Variants in NIBAN2 observed in about 807,000 individuals in gnomAD.
The protein encoded by NIBAN2 is protein Niban 2.
In NIBAN2, 36 loss-of-function variants were observed where a neutral mutation model predicts 81.8. The observed-to-expected ratio is 0.44, with a 90% CI of 0.34 to 0.58. NIBAN2 has a LOEUF of 0.58. NIBAN2 is among the 20% of genes least tolerant of loss of function. The pLI, the probability that NIBAN2 is intolerant of heterozygous loss-of-function variation, is 0.02. For missense variants in NIBAN2, 897 were observed against 1,014.1 expected, an observed-to-expected ratio of 0.88 and a Z score of 1.57; for synonymous variants, 445 against 441.6, an observed-to-expected ratio of 1.01 and a Z score of -0.10.
At chr9:127,565,894 G>T (rs187481638) in intron 1 of NIBAN2, among the ~76,000 whole-genome samples, 2 of 151,408 alleles carry the variant, frequency 1.3e-5, no homozygotes, top group Non-Finnish European at 2.9e-5. Context: ...GAGCCCAGGA[G>T]TTCAAGACCA....
rs117987929 is a variant in NIBAN2, at chr9:127,566,808, G to A, written c.55+2012C>T. On this transcript the variant is annotated intron_variant, in intron 1 of 13. Coordinates refer to ENST00000373312, the MANE Select transcript of NIBAN2 (RefSeq NM_022833.4). ...GGATCACTGGAGGAGGCAAATACAC[G>A]CCCTCATTCCCTTCCAGCAGAGATT... 9.5e-3 allele frequency among the ~76,000 whole-genome samples: 1,441 copies of A among 152,054 alleles called. 7 individuals carry two copies. Among genetic ancestry groups the A allele is most frequent in the Middle Eastern group, 0.041 (12 of 294 alleles).
intron 4 of NIBAN2, 76 bp from the exon 5 acceptor site, chr9:127,523,922 T>C (rs1837012390): frequency 4.0e-6 from 6 of 1,489,364 alleles, no homozygotes; most frequent in Middle Eastern, 1.9e-4. Context: ...AACTGATCCC[T>C]TGGCATCAGC....
rs1214985487 is a variant in NIBAN2, at chr9:127,536,762, T to C, written c.56-4984A>G. Among the ~76,000 whole-genome samples the C allele has an allele frequency of 1.3e-5, 2 of 152,152 alleles. No individual in the cohort carries two copies. Among genetic ancestry groups the C allele is most frequent in the Non-Finnish European group, 2.9e-5 (2 of 68,014 alleles). The stretch of plus-strand genomic sequence containing the variant: ...ACACAGCCAGATGGAGGCAATTAGG[T>C]TCGAGCCATAGTCGGCTGCATGCCA... On this transcript the variant is annotated intron_variant, in intron 1 of 13. Transcript: ENST00000373312. The surrounding 1 kb of genome is among the most constrained non-coding windows in gnomAD (Gnocchi z 4.0).
chr9:127,568,779 C>A, intron 1 of NIBAN2, 41 bp downstream of exon 1: 2 of 1,262,896 alleles, frequency 1.6e-6, no homozygotes, highest in African/African-American at 1.6e-5. Context: ...CCGGGGGTTC[C>A]GGCAGGCCCC....
Position 127,507,349 on chromosome 9 carries a change from G to A in NIBAN2, c.1737C>T (p.His579=). 1 of 1,545,628 alleles carries A rather than the reference G, an allele frequency of 6.5e-7. No homozygotes were observed. The highest frequency in any genetic ancestry group is 8.7e-7 in the Non-Finnish European group (1 of 1,143,552). The change falls in exon 14 of 14, where the codon CAC becomes CAT. Residue 579 remains histidine, a synonymous_variant. Transcript: ENST00000373312. This position sits in a 1 kb window ranked among gnomAD's most constrained non-coding sequence, Gnocchi z 6.8. ...CGATGGGGGCGCCCTCGGCCAGCAG[G>A]TGCAGGTTGGGGTCGCTGTTGTGCA... The part of the protein sequence containing the change: ...MVMHNSDPNL[H]LLAEGAPIDW...
At chr9:127,531,562 T>C (rs901872005) in intron 2 of NIBAN2, 86 bp downstream of exon 2, 5 of 1,364,600 alleles carry the variant, frequency 3.7e-6, no homozygotes, top group Non-Finnish European at 5.0e-6. Context: ...AATGGGAAAC[T>C]GAGGCCCAGA....
chr9:127,546,606 G>A (rs1270574083), intron 1 of NIBAN2, among the ~76,000 whole-genome samples: 1 of 152,204 alleles, frequency 6.6e-6, no homozygotes, highest in Non-Finnish European at 1.5e-5. Context: ...CTGGGGCAGG[G>A]CTGAGGACAG....
At chr9:127,565,980 A>AC (rs1564321578) in intron 1 of NIBAN2, among the ~76,000 whole-genome samples, 6 of 149,032 alleles carry the variant, frequency 4.0e-5, no homozygotes, top group Non-Finnish European at 8.9e-5. Flanking sequence ...ACACACACAC[A>AC]AATTAGCACG....
intron 4 of NIBAN2, chr9:127,524,832 T>A (rs1428199080): frequency 3.9e-6 from 2 of 509,020 alleles, no homozygotes; most frequent in African/African-American, 1.9e-5. Context: ...AACACAGTGC[T>A]GACCCACAGG....
rs1187929497 is a variant in NIBAN2, at chr9:127,510,131, C to A, written c.1161+15G>T. 1 of 1,596,604 alleles carries A rather than the reference C, an allele frequency of 6.3e-7. No individual in the cohort carries two copies. Among genetic ancestry groups the A allele is most frequent in the Admixed American group, 1.7e-5 (1 of 59,208 alleles). On this transcript the variant is annotated intron_variant, in intron 9 of 13. Transcript: ENST00000373312. ...CTCTCAGGAGACCCCCTCCTAGGGGCGGTGCCGGCCTCACCTCGCCCAGCT... is the reference window on the plus strand; with the variant it reads ...CTCTCAGGAGACCCCCTCCTAGGGGAGGTGCCGGCCTCACCTCGCCCAGCT...
rs202172377 is a variant in NIBAN2, at chr9:127,507,294, C to T, written c.1792G>A (p.Gly598Arg). ...DWGEEYSNSGGGGSPSPSTPE... is the reference protein window; with the variant it reads ...DWGEEYSNSGRGGSPSPSTPE... ...GTGCTGGGGCTGGGGCTGCCGCCCCCGCCGCTGTTGCTGTACTCCTCGCCC... is the reference window on the plus strand; with the variant it reads ...GTGCTGGGGCTGGGGCTGCCGCCCCTGCCGCTGTTGCTGTACTCCTCGCCC... The change falls in exon 14 of 14, where the codon GGG becomes AGG. Residue 598 changes from glycine (G) to arginine (R), a missense_variant. Physicochemically the swap from Gly to Arg is moderately radical, Grantham distance 125. This residue lies in a region of NIBAN2 where 619 missense variants were observed against 691.0 expected (regional missense o/e 0.90). Coordinates refer to ENST00000373312, the MANE Select transcript of NIBAN2 (RefSeq NM_022833.4). This position sits in a 1 kb window ranked among gnomAD's most constrained non-coding sequence, Gnocchi z 6.8. 851 of 1,595,696 alleles carry T rather than the reference C, an allele frequency of 5.3e-4. 1 individual carries two copies. Among genetic ancestry groups the T allele is most frequent in the Non-Finnish European group, 6.8e-4 (800 of 1,168,022 alleles).
intron 1 of NIBAN2, among the ~76,000 whole-genome samples, chr9:127,543,761 C>A (rs983658741): frequency 6.6e-6 from 1 of 152,216 alleles, no homozygotes; most frequent in Non-Finnish European, 1.5e-5. Context: ...ACAATCTTAG[C>A]CAGACTTTCA....
Position 127,517,930 on chromosome 9 carries a change from C to T in NIBAN2, c.601G>A (p.Asp201Asn), listed in dbSNP as rs1836865128. Residue 201 changes from aspartate (D) to asparagine (N), a missense_variant, in exon 6 of 14, where the codon GAC becomes AAC. This residue lies in a region of NIBAN2 where 69 missense variants were observed against 114.7 expected (regional missense o/e 0.60). Coordinates refer to ENST00000373312, the MANE Select transcript of NIBAN2 (RefSeq NM_022833.4). This position sits in a 1 kb window ranked among gnomAD's most constrained non-coding sequence, Gnocchi z 4.0. Reference sequence around the variant, plus strand: ...AACGCAGGGCCCTCTACCTTGGAGTCCTCAGGGATTCCTGCCCAGGAGACG... The same window carrying T: ...AACGCAGGGCCCTCTACCTTGGAGTTCTCAGGGATTCCTGCCCAGGAGACG... ...IRHCNNGIPE[D>N]SKVEGPAFTD... The T allele has an allele frequency of 1.9e-6, 3 of 1,604,762 alleles. No homozygotes were observed. Among genetic ancestry groups the T allele is most frequent in the Non-Finnish European group, 2.6e-6 (3 of 1,175,420 alleles).
At chr9:127,537,633 G>A (rs1025293134) in intron 1 of NIBAN2, among the ~76,000 whole-genome samples, 1 of 152,184 alleles carries the variant, frequency 6.6e-6, no homozygotes, top group Non-Finnish European at 1.5e-5. Context: ...GCCCAGAGCC[G>A]TTGGTTGCCC....
chr9:127,575,340 G>T (rs2132248934), intron 1 of NIBAN2, among the ~76,000 whole-genome samples: 1 of 148,348 alleles, frequency 6.7e-6, no homozygotes, highest in South Asian at 2.1e-4. Context: ...GCAATTCTCT[G>T]CCTCAGACTC....
At chr9:127,515,958 C>T (rs1009658081) in intron 8 of NIBAN2, among the ~76,000 whole-genome samples, 1 of 151,896 alleles carries the variant, frequency 6.6e-6, no homozygotes, top group African/African-American at 2.4e-5. Context: ...GGCAACATGG[C>T]AAAACCCTGT....
Position 127,517,165 on chromosome 9 carries a change from G to C in NIBAN2, c.757C>G (p.Leu253Val). ...EELGPELKAE[L>V]GPRLKGKPQE... ...GGTTTCCCCTTCAGCCGCGGGCCGA[G>C]CTCTGCCTTCAGCTCAGGGCCCAGC... Residue 253 changes from leucine to valine, a missense_variant, in exon 7 of 14, where the codon CTC (leucine) becomes GTC (valine). Physicochemically the swap from Leu to Val is conservative, Grantham distance 32. Transcript: ENST00000373312. This position sits in a 1 kb window ranked among gnomAD's most constrained non-coding sequence, Gnocchi z 4.0. 1.2e-6 allele frequency: 2 copies of C among 1,614,076 alleles called. No homozygotes were observed. The highest frequency in any genetic ancestry group is 1.7e-6 in the Non-Finnish European group (2 of 1,180,000).
At chr9:127,569,493 C>T (rs1837921077), upstream of NIBAN2, among the ~76,000 whole-genome samples, 1 of 151,976 alleles carries the variant, frequency 6.6e-6, no homozygotes, top group Non-Finnish European at 1.5e-5. Flanking sequence ...TCACCCCCCT[C>T]CCCTCCCCAA....
At chr9:127,509,765 T>G (rs979527708) in intron 9 of NIBAN2, 3 of 126,598 alleles carry the variant, frequency 2.4e-5, no homozygotes, top group Non-Finnish European at 4.8e-5. Flanking sequence ...AGCCCGCCCT[T>G]CCCTCTCCCC....
Sources: gnomAD v4.1 joint callset for allele counts (sites outside exome capture counted in the v4.1 genomes callset) on GRCh38, gnomAD v4.1.1 for gene constraint, gnomAD v4.1.1 regional missense constraint, Gnocchi (gnomAD v3.1) non-coding constraint, MANE v1.5 for transcripts, NCBI Gene and HGNC (gene_info 2026-07-23, HGNC 2026-07-21) for gene names.